ZBTB25: variants seen among roughly 807,000 people sequenced by gnomAD.
The protein encoded by ZBTB25 is zinc finger and BTB domain containing 25.
ZBTB25 carries 20 observed loss-of-function variants against 34.2 expected under a neutral mutation model. The ratio of observed to expected loss-of-function variants is 0.58; its 90% CI spans 0.41 to 0.85. The LOEUF is 0.85. Among genes scored for constraint, ZBTB25 ranks in the 40% least tolerant of loss-of-function variants. ZBTB25 has a pLI of 0.00. For missense variants in ZBTB25, 437 were observed against 521.8 expected, an observed-to-expected ratio of 0.84 and a Z score of 1.58; for synonymous variants, 175 against 186.4, an observed-to-expected ratio of 0.94 and a Z score of 0.50.
intron 2 of ZBTB25, among the ~76,000 whole-genome samples, chr14:64,459,263 T>C (rs1431646301): frequency 1.3e-5 from 2 of 152,210 alleles, no homozygotes; most frequent in Non-Finnish European, 2.9e-5. Context: ...TTTGGGAAAC[T>C]GAACCCTCAT....
chr14:64,456,742 T>C (rs2078481136), intron 2 of ZBTB25, among the ~76,000 whole-genome samples: 1 of 152,224 alleles, frequency 6.6e-6, no homozygotes, highest in African/African-American at 2.4e-5. Context: ...ATAAACCAGT[T>C]GTCAGATCCC....
chr14:64,504,034 CG>C, upstream of ZBTB25: 1 of 152,392 alleles, frequency 6.6e-6, no homozygotes, highest in Non-Finnish European at 1.5e-5. Flanking sequence ...CCGCGTGACC[CG>C]GGGACTTTCC....
Position 64,478,547 on chromosome 14 carries a change from T to C in ZBTB25, c.*8376A>G, listed in dbSNP as rs1312325561. On this transcript the variant is annotated 3_prime_UTR_variant, in exon 3 of 3. Coordinates refer to ENST00000608382, the MANE Select transcript of ZBTB25 (RefSeq NM_006977.5). ...GCAGAACACCAAAAACTGAGTGTGA[T>C]GCCTGATTAAAAGAGCCCAAATTCC... is the stretch of plus-strand genomic sequence containing the variant. 1 of 152,216 alleles carries C rather than the reference T, an allele frequency of 6.6e-6. No homozygotes were observed. Among genetic ancestry groups the C allele is most frequent in the African/African-American group, 2.4e-5 (1 of 41,456 alleles). The allele number at this position is 152,216 out of a possible 1,614,324, so 9.4% of individuals were successfully genotyped here. A position where few individuals can be genotyped will look rare whatever the true frequency, so the allele number is the denominator to read the frequency against.
Position 64,455,138 on chromosome 14 carries a change from T to C in ZBTB25, c.174-5500A>G, listed in dbSNP as rs536539877. On this transcript the variant is annotated intron_variant, in intron 2 of 2. Coordinates refer to the ZBTB25 transcript ENST00000555220. ...AAAATTCTGTTTCCCAGGGACAGTATGCTCTTCACTGAATCTAGGATGAGC... is the reference window on the plus strand; with the variant it reads ...AAAATTCTGTTTCCCAGGGACAGTACGCTCTTCACTGAATCTAGGATGAGC... 53 of 449,672 alleles carry C rather than the reference T, an allele frequency of 1.2e-4. 1 individual carries two copies. The highest frequency in any genetic ancestry group is 1.1e-3 in the South Asian group (52 of 48,292). The allele number at this position is 449,672 out of a possible 1,614,324, so 27.9% of individuals were successfully genotyped here. A position where few individuals can be genotyped will look rare whatever the true frequency, so the allele number is the denominator to read the frequency against.
chr14:64,487,382 A>G lies in ZBTB25; in HGVS notation c.849T>C (p.His283=). ...ILESNDLGEV[H]PLNENSEALE... ...GGGCCTCGCTGTTTTCATTAAGGGG[A>G]TGCACTTCACCAAGGTCATTACTTT... The change falls in exon 3 of 3, where the codon CAT becomes CAC. Residue 283 remains histidine, a synonymous_variant. Coordinates refer to ENST00000608382, the MANE Select transcript of ZBTB25 (RefSeq NM_006977.5). The G allele has an allele frequency of 6.2e-7, 1 of 1,614,066 alleles. No homozygotes were observed.
At position 64,503,757 on chromosome 14, in the gene ZBTB25, T is replaced by G. The variant is rs1247730657; in HGVS notation, c.-104A>C. The G allele has an allele frequency of 2.4e-5, 7 of 291,706 alleles. No individual in the cohort carries two copies. Among genetic ancestry groups the G allele is most frequent in the African/African-American group, 1.4e-4 (6 of 43,920 alleles). 18.1% of individuals were successfully genotyped at this position (291,706 alleles called of 1,614,324 possible). A position where few individuals can be genotyped will look rare whatever the true frequency, so the allele number is the denominator to read the frequency against. On this transcript the variant is annotated 5_prime_UTR_variant, in exon 1 of 3. Coordinates refer to ENST00000608382, the MANE Select transcript of ZBTB25 (RefSeq NM_006977.5). ...GCAGTGGCGCCGGCTCACGCACCCC[T>G]CGGCCGCCTCTCGCGCGGCTTCCCG...
chr14:64,504,818 C>CT (rs1555347018), upstream of ZBTB25: 1 of 389,880 alleles, frequency 2.6e-6, no homozygotes, highest in Non-Finnish European at 4.5e-6. Context: ...CGCAGCCCAG[C>CT]CCGAGCGCCG....
intron 2 of ZBTB25, among the ~76,000 whole-genome samples, chr14:64,456,824 G>A (rs947303580): frequency 6.6e-6 from 1 of 152,202 alleles, no homozygotes; most frequent in Non-Finnish European, 1.5e-5. Flanking sequence ...AAGTATTGAT[G>A]ATGTTTTGTG....
chr14:64,450,298 A>G (rs2078349885), intron 2 of ZBTB25, among the ~76,000 whole-genome samples: 1 of 152,232 alleles, frequency 6.6e-6, no homozygotes, highest in Admixed American at 6.5e-5. Flanking sequence ...CAGATTGGTA[A>G]GGGGCTGCAT....
At chr14:64,453,427 C>T (rs538732729) in intron 2 of ZBTB25, among the ~76,000 whole-genome samples, 76 of 152,110 alleles carry the variant, frequency 5.0e-4, no homozygotes, top group Non-Finnish European at 7.9e-4. Context: ...CAGAATTAGC[C>T]GGGCTTGGTT....
chr14:64,467,242 C>G (rs927544868), intron 2 of ZBTB25: 7 of 152,212 alleles, frequency 4.6e-5, no homozygotes, highest in African/African-American at 1.4e-4. Flanking sequence ...TGTTACAGCT[C>G]TGCCGTAATC....
rs571135243 is a variant in ZBTB25, at chr14:64,490,368, G to A, written c.166C>T (p.Gln56Ter). 1.9e-6 allele frequency: 3 copies of A among 1,587,804 alleles called. No homozygotes were observed. In the South Asian group the frequency reaches 3.5e-5, roughly 18 times the overall value. The change falls in exon 2 of 3, where the codon CAA (glutamine) becomes TAA (stop). Residue 56 changes from glutamine (Q) to a stop codon, truncating the protein, a stop_gained. Coordinates refer to ENST00000608382, the MANE Select transcript of ZBTB25 (RefSeq NM_006977.5). LOFTEE classifies it high-confidence loss of function. ...ACAAAAACACATCCTTACCTTGTTTGGTGAATAAATATCATCTTGAAATAG... is the reference window on the plus strand; with the variant it reads ...ACAAAAACACATCCTTACCTTGTTTAGTGAATAAATATCATCTTGAAATAG... Reference protein sequence around the residue: ...SNYFKMIFIHQTSECIKIQPT... With the variant: ...SNYFKMIFIH
At chr14:64,503,068 G>C (rs991999641) in intron 1 of ZBTB25, 15 of 985,314 alleles carry the variant, frequency 1.5e-5, no homozygotes, top group African/African-American at 1.2e-4. Flanking sequence ...TCCGCAACTG[G>C]TAACAACTGA....
downstream of ZBTB25, among the ~76,000 whole-genome samples, chr14:64,477,561 G>A (rs549077815): frequency 1.3e-5 from 2 of 152,062 alleles, no homozygotes; most frequent in Admixed American, 6.5e-5. Context: ...CACTCCCCTC[G>A]AATCTTTGAT....
Position 64,502,819 on chromosome 14 carries a change from T to G in ZBTB25, c.-8+842A>C, listed in dbSNP as rs1271390190. On this transcript the variant is annotated intron_variant, in intron 1 of 2. Transcript: ENST00000608382. ...CTCTTCAGGCCTGGTGTCTTCTCTG[T>G]AAAACGAGAGGGATGAAACAGATTT... The G allele has an allele frequency of 4.1e-6, 4 of 969,630 alleles. No individual in the cohort carries two copies. In the East Asian group the frequency reaches 4.6e-4, roughly 111 times the overall value. 60.1% of individuals were successfully genotyped at this position (969,630 alleles called of 1,614,324 possible).
At chr14:64,475,692 T>C (rs2078713659), downstream of ZBTB25, among the ~76,000 whole-genome samples, 2 of 152,102 alleles carry the variant, frequency 1.3e-5, no homozygotes, top group Non-Finnish European at 2.9e-5. Flanking sequence ...GCACTACACA[T>C]TCACAGAAAA....
rs573052765 is a variant in ZBTB25 at position 64,449,342 on chromosome 14, C to T, written c.*209G>A. 347 of 1,354,268 alleles carry T rather than the reference C, an allele frequency of 2.6e-4. 2 individuals are homozygous for T. The highest frequency in any genetic ancestry group is 1.7e-3 in the South Asian group (146 of 85,100). 83.9% of individuals were successfully genotyped at this position (1,354,268 alleles called of 1,614,324 possible). On this transcript the variant is annotated 3_prime_UTR_variant, in exon 3 of 3. Transcript: ENST00000555220. ...CAGGCCAAATTTCTTGGTTAGTGTTCGTTTATCAGTGGGTAATTCACATGA... is the reference window on the plus strand; with the variant it reads ...CAGGCCAAATTTCTTGGTTAGTGTTTGTTTATCAGTGGGTAATTCACATGA...
In ZBTB25 at chr14:64,487,273, A is replaced by G. The variant is rs1046190872; in HGVS notation, c.958T>C (p.Leu320=). The G allele has an allele frequency of 5.0e-6, 8 of 1,614,024 alleles. No homozygotes were observed. Among genetic ancestry groups the G allele is most frequent in the Non-Finnish European group, 6.8e-6 (8 of 1,180,026 alleles). The part of the protein sequence containing the change: ...DHTNRGTTEP[L]QISQVSLISK... The stretch of plus-strand genomic sequence containing the variant: ...ATCAAAGATACTTGACTGATCTGCA[A>G]AGGCTCTGTGGTACCCCGGTTGGTG... Residue 320 remains leucine (L), a synonymous_variant, in exon 3 of 3, where the codon TTG becomes CTG. Transcript: ENST00000608382.
intron 1 of ZBTB25, among the ~76,000 whole-genome samples, chr14:64,501,610 A>G (rs889539918): frequency 6.6e-6 from 1 of 152,058 alleles, no homozygotes; most frequent in Non-Finnish European, 1.5e-5. Context: ...ATAATATAAA[A>G]CCCCCAACTC....
Sources: allele counts gnomAD v4.1 joint callset (sites outside exome capture counted in the v4.1 genomes callset), GRCh38; gene constraint gnomAD v4.1.1; transcripts MANE v1.5; gene names NCBI Gene and HGNC (gene_info 2026-07-23, HGNC 2026-07-21).